The following DOCK2 variants were observed in gnomAD, a reference collection of about 807,000 sequenced individuals.
DOCK2 encodes the protein dedicator of cytokinesis protein 2.
In DOCK2, 87 loss-of-function variants were observed where a neutral mutation model predicts 248.9. That is an observed-to-expected ratio of 0.35 (90% CI 0.29 to 0.42). The LOEUF is 0.42. Among genes scored for constraint, DOCK2 ranks in the 10% least tolerant of loss-of-function variants. The pLI is 1.00. For missense variants in DOCK2, 1,747 were observed against 2,300.2 expected, an observed-to-expected ratio of 0.76 and a Z score of 4.92; for synonymous variants, 805 against 821.6, an observed-to-expected ratio of 0.98 and a Z score of 0.35.
intron 32 of DOCK2, among the ~76,000 whole-genome samples, chr5:170,017,866 C>T (rs190467601): frequency 7.2e-5 from 11 of 152,316 alleles, no homozygotes; most frequent in African/African-American, 1.4e-4. Flanking sequence ...TAAGTACATG[C>T]GGACATATTT....
At chr5:169,737,783 A>C (rs552759576) in intron 22 of DOCK2, among the ~76,000 whole-genome samples, 35 of 152,342 alleles carry the variant, frequency 2.3e-4, no homozygotes, top group African/African-American at 7.7e-4. Context: ...CCGGGCATGG[A>C]AGCTCCGCAT....
chr5:169,861,906 A>G (rs555575123), intron 27 of DOCK2, among the ~76,000 whole-genome samples: 133 of 150,774 alleles, frequency 8.8e-4, no homozygotes, highest in Non-Finnish European at 1.7e-3. Context: ...AAATGTCAAC[A>G]TTTTATTTAT....
Position 169,804,579 on chromosome 5 carries a change from C to T in DOCK2, c.2703+1373C>T, listed in dbSNP as rs918042176. ...TGTTCAGTGGTGAATAATTAATGAT[C>T]ATATCTCTATTTGTTGGTTTCTAGG... is the stretch of plus-strand genomic sequence containing the variant. On this transcript the variant is annotated intron_variant, in intron 26 of 51. Coordinates refer to ENST00000520908, the MANE Select transcript of DOCK2 (RefSeq NM_004946.3). Among the ~76,000 whole-genome samples, 3 of 151,834 alleles carry T rather than the reference C, an allele frequency of 2.0e-5. No individual in the cohort carries two copies. In the South Asian group the frequency reaches 6.3e-4, roughly 32 times the overall value.
At chr5:169,923,071 C>T (rs1001438041) in intron 27 of DOCK2, among the ~76,000 whole-genome samples, 1 of 152,186 alleles carries the variant, frequency 6.6e-6, no homozygotes, top group Non-Finnish European at 1.5e-5. Flanking sequence ...CCCTGGGGGA[C>T]ACAGAGCCAC....
chr5:169,926,177 C>T (rs1389356944), intron 27 of DOCK2, among the ~76,000 whole-genome samples: 2 of 152,106 alleles, frequency 1.3e-5, no homozygotes, highest in African/African-American at 4.8e-5. Context: ...CTATAGTCGG[C>T]ATGGATGTGG....
At chr5:170,010,526 A>C (rs2113812132) in intron 32 of DOCK2, among the ~76,000 whole-genome samples, 1 of 152,340 alleles carries the variant, frequency 6.6e-6, no homozygotes, top group South Asian at 2.1e-4. Context: ...GAAAAAAGAC[A>C]GTCACTGTTC....
chr5:169,718,846 C>T, intron 22 of DOCK2, 55 bp downstream of exon 22: 1 of 1,552,348 alleles, frequency 6.4e-7, no homozygotes, highest in Non-Finnish European at 8.8e-7. Context: ...CTCTGGGATA[C>T]AACAGTATTT....
chr5:169,753,400 C>T (rs1275645884), intron 23 of DOCK2, among the ~76,000 whole-genome samples: 3 of 151,564 alleles, frequency 2.0e-5, no homozygotes, highest in Non-Finnish European at 4.4e-5. Context: ...TTGTTCCCCA[C>T]CCTGTGTTCT....
intron 14 of DOCK2, among the ~76,000 whole-genome samples, chr5:169,705,809 G>A (rs184963167): frequency 6.6e-6 from 1 of 152,202 alleles, no homozygotes; most frequent in African/African-American, 2.4e-5. Flanking sequence ...CATGTGTTAG[G>A]AGCCTGGTTT....
At chr5:170,056,893 T>G (rs1404209436) in intron 43 of DOCK2, 125 bp downstream of exon 43, 9 of 801,798 alleles carry the variant, frequency 1.1e-5, no homozygotes, top group Non-Finnish European at 1.6e-5. Context: ...CCAACCTCCA[T>G]GGATACCATG....
chr5:169,786,893 A>G (rs1766019417), intron 25 of DOCK2, among the ~76,000 whole-genome samples: 1 of 152,230 alleles, frequency 6.6e-6, no homozygotes, highest in Admixed American at 6.5e-5. Flanking sequence ...TCTATTAGCC[A>G]CGACCCTTAT....
At chr5:169,977,819 T>C (rs1777769670) in intron 27 of DOCK2, among the ~76,000 whole-genome samples, 3 of 152,148 alleles carry the variant, frequency 2.0e-5, no homozygotes, top group Non-Finnish European at 4.4e-5. Flanking sequence ...AGCTCTAAAA[T>C]GAATAGGTTT....
chr5:169,680,910 A>AT (rs757589952), intron 6 of DOCK2, among the ~76,000 whole-genome samples: 57 of 151,980 alleles, frequency 3.8e-4, no homozygotes, highest in Non-Finnish European at 7.9e-4. Context: ...TATCTGGCCT[A>AT]TTTTTTGTTT....
intron 27 of DOCK2, among the ~76,000 whole-genome samples, chr5:169,874,452 G>A (rs1772190125): frequency 1.3e-5 from 2 of 149,668 alleles, no homozygotes; most frequent in South Asian, 2.1e-4. Flanking sequence ...GGTCTGTGGA[G>A]TTTGAGAAAA....
intron 30 of DOCK2, among the ~76,000 whole-genome samples, chr5:170,007,488 T>G (rs1044905627): frequency 6.6e-6 from 1 of 152,170 alleles, no homozygotes; most frequent in African/African-American, 2.4e-5. Flanking sequence ...TTTAAACACA[T>G]CATTTTGTGT....
chr5:170,080,072 C>A (rs898286943), intron 49 of DOCK2, 91 bp from the exon 50 acceptor site: 1 of 1,575,314 alleles, frequency 6.3e-7, no homozygotes, highest in African/African-American at 1.3e-5. Context: ...CATGCCACGC[C>A]CTCCTCACTG....
At chr5:169,904,872 G>T (rs1379722159) in intron 27 of DOCK2, among the ~76,000 whole-genome samples, 3 of 152,150 alleles carry the variant, frequency 2.0e-5, no homozygotes, top group Non-Finnish European at 4.4e-5. Context: ...CACCTTCACT[G>T]CTCCACGGCT....
intron 26 of DOCK2, among the ~76,000 whole-genome samples, chr5:169,830,282 A>G (rs752599028): frequency 6.0e-4 from 92 of 152,368 alleles, no homozygotes; most frequent in African/African-American, 1.8e-3. Flanking sequence ...AGCACTTATC[A>G]TAATGGCTGG....
intron 27 of DOCK2, among the ~76,000 whole-genome samples, chr5:169,953,314 C>A (rs1234847564): frequency 1.5e-5 from 2 of 137,606 alleles, no homozygotes; most frequent in Non-Finnish European, 3.1e-5. Flanking sequence ...GCCTGGGTGA[C>A]AGAGCAAGAC....
Sources: gnomAD v4.1 joint callset for allele counts (sites outside exome capture counted in the v4.1 genomes callset) on GRCh38, gnomAD v4.1.1 for gene constraint, MANE v1.5 for transcripts, NCBI Gene and HGNC (gene_info 2026-07-23, HGNC 2026-07-21) for gene names.